Variants in USP42 observed in about 807,000 individuals in gnomAD.
The protein encoded by USP42 is ubiquitin carboxyl-terminal hydrolase 42.
Under a neutral mutation model 113.0 loss-of-function variants are expected in USP42, and 23 were observed. That is an observed-to-expected ratio of 0.20 (90% CI 0.15 to 0.29). The LOEUF (loss-of-function observed/expected upper bound fraction) is 0.29. USP42 is among the 10% of genes least tolerant of loss of function. The pLI, the probability that USP42 is intolerant of heterozygous loss-of-function variation, is 1.00. For missense variants in USP42, 2,174 were observed against 1,779.8 expected (o/e 1.22, Z -3.99); for synonymous variants, 933 against 699.0 (o/e 1.33, Z -5.28).
rs747000461 is a variant in USP42, at chr7:6,145,662, C to T, written c.1131+6C>T. The T allele has an allele frequency of 1.2e-6, 2 of 1,612,356 alleles. No individual in the cohort carries two copies. The highest frequency in any genetic ancestry group is 1.1e-5 in the South Asian group (1 of 90,910). ...ATTACTTCTGCTACATAAAAGTAAG[C>T]TGTGCAGATTTGCTATTAACTATTG... On this transcript the variant is annotated splice_donor_region_variant and intron_variant, in intron 10 of 17. Transcript: ENST00000306177.
chr7:6,082,075 A>T, the USP42 span, among the ~76,000 whole-genome samples: 1 of 151,768 alleles, frequency 6.6e-6, no homozygotes, highest in Non-Finnish European at 1.5e-5. Flanking sequence ...TAAATATACT[A>T]TATATACATA....
At chr7:6,091,339 C>T in the USP42 span, among the ~76,000 whole-genome samples, 1 of 150,838 alleles carries the variant, frequency 6.6e-6, no homozygotes, top group East Asian at 1.9e-4. Flanking sequence ...ATCCTCCCAC[C>T]TCCGCCTCCC....
rs770561370 is a variant in USP42, at chr7:6,153,864, C to G, written c.2310C>G (p.Ser770Arg). The part of the protein sequence containing the change: ...LEEPDAAAGL[S>R]STKKAPPPRD... ...AGCCAGATGCGGCCGCCGGCCTCAG[C>G]AGCACCAAGAAGGCTCCGCCGCCCC... is the stretch of plus-strand genomic sequence containing the variant. Residue 770 changes from serine (S) to arginine (R), a missense_variant, in exon 15 of 18, where the codon AGC (serine) becomes AGG (arginine). Transcript: ENST00000306177. The G allele has an allele frequency of 1.9e-6, 3 of 1,556,748 alleles. No individual in the cohort carries two copies. The South Asian group carries it at 3.5e-5, about 18-fold the overall frequency.
chr7:6,128,367 A>G (rs1235199334), intron 3 of USP42: 1 of 151,860 alleles, frequency 6.6e-6, no homozygotes, highest in Non-Finnish European at 1.5e-5. Context: ...GGCTCTAGGA[A>G]TCCTCCATCT....
rs1257841782 is a variant in USP42 at position 6,136,825 on chromosome 7, A to G, written c.553+874A>G. On this transcript the variant is annotated intron_variant, in intron 4 of 17. Transcript: ENST00000306177. ...CGGTTCTTCTTTTTTTTTTTTTTCA[A>G]GTGAGACTGTGTCTCACTGTTTTGC... Among the ~76,000 whole-genome samples, 16 of 150,720 alleles carry G rather than the reference A, an allele frequency of 1.1e-4. No homozygotes were observed. The East Asian group carries it at 2.7e-3, about 26-fold the overall frequency.
the USP42 span, among the ~76,000 whole-genome samples, chr7:6,082,601 C>CTGT: frequency 1.0e-5 from 1 of 96,996 alleles, no homozygotes; most frequent in African/African-American, 3.7e-5. Flanking sequence ...TTCTTTCTTT[C>CTGT]TGTTTTTTTT....
chr7:6,114,433 T>A (rs1779765729), intron 2 of USP42, among the ~76,000 whole-genome samples: 1 of 151,922 alleles, frequency 6.6e-6, no homozygotes, highest in Non-Finnish European at 1.5e-5. Context: ...TTACGGGCAG[T>A]GATACCAGCA....
At chr7:6,102,559 A>C (rs1024833819), upstream of USP42, among the ~76,000 whole-genome samples, 2 of 150,548 alleles carry the variant, frequency 1.3e-5, no homozygotes, top group Non-Finnish European at 2.9e-5. Context: ...CCAGGGGTTC[A>C]CAACCAACCT....
chr7:6,125,051 C>T (rs1465661459), intron 3 of USP42, among the ~76,000 whole-genome samples: 5 of 151,760 alleles, frequency 3.3e-5, no homozygotes, highest in African/African-American at 4.8e-5. Flanking sequence ...TGTGGTGGCT[C>T]ATGCTTGTAA....
At chr7:6,135,056 C>G (rs1337024705) in intron 3 of USP42, among the ~76,000 whole-genome samples, 1 of 152,186 alleles carries the variant, frequency 6.6e-6, no homozygotes, top group Non-Finnish European at 1.5e-5. Context: ...TCCCAGAGTG[C>G]TGAGATGATA....
intron 2 of USP42, among the ~76,000 whole-genome samples, chr7:6,112,621 T>C (rs1779658327): frequency 6.6e-6 from 1 of 152,176 alleles, no homozygotes; most frequent in African/African-American, 2.4e-5. Flanking sequence ...TGAAATACAA[T>C]AGAATTTCCT....
chr7:6,154,645 G>T lies in USP42; in HGVS notation c.3091G>T (p.Asp1031Tyr). 1.2e-6 allele frequency: 2 copies of T among 1,605,542 alleles called. No individual in the cohort carries two copies. Among genetic ancestry groups the T allele is most frequent in the Non-Finnish European group, 8.5e-7 (1 of 1,177,068 alleles). ...HSRHRSGVEL[D>Y]WVRHHYTEGE... The stretch of plus-strand genomic sequence containing the variant: ...CCGACACCGGAGCGGGGTGGAGCTG[G>T]ACTGGGTCAGACACCACTACACCGA... Residue 1031 changes from aspartate (D) to tyrosine (Y), a missense_variant, in exon 15 of 18, where the codon GAC (aspartate) becomes TAC (tyrosine). By Grantham distance (160) the Asp-to-Tyr change is radical. Transcript: ENST00000306177.
At chr7:6,089,820 C>T in the USP42 span, among the ~76,000 whole-genome samples, 2 of 150,536 alleles carry the variant, frequency 1.3e-5, no homozygotes, top group Admixed American at 6.6e-5. Flanking sequence ...TGTGAGCTAC[C>T]GCGCCCAGCC....
intron 12 of USP42, 64 bp from the exon 13 acceptor site, chr7:6,149,519 A>G: frequency 6.5e-7 from 1 of 1,531,912 alleles, no homozygotes; most frequent in Non-Finnish European, 8.7e-7. Context: ...ATCAGCCAAA[A>G]TGGGTTCTGT....
At chr7:6,107,464 C>T (rs2128473824) in intron 1 of USP42, among the ~76,000 whole-genome samples, 1 of 146,210 alleles carries the variant, frequency 6.8e-6, no homozygotes, top group East Asian at 2.0e-4. Flanking sequence ...GGCTGGAGGG[C>T]AATGGCGCGA....
the USP42 span, among the ~76,000 whole-genome samples, chr7:6,098,848 G>A: frequency 6.7e-6 from 1 of 149,656 alleles, no homozygotes; most frequent in African/African-American, 2.5e-5. Flanking sequence ...GCCCTGCCAA[G>A]AATGCATTGT....
intron 4 of USP42, 145 bp downstream of exon 4, chr7:6,136,096 C>T (rs962129073): frequency 2.6e-5 from 14 of 536,234 alleles, no homozygotes; most frequent in African/African-American, 1.7e-4. Context: ...CTTCCACCTC[C>T]CAGGTTCAAA....
rs939848896 is a variant in USP42, at chr7:6,111,512, G to A, written c.241+138G>A. ...GCCAGCAGAGTTGTATTACTTGATG[G>A]GCTTTGTTTTCCTGTTACTTGTTCG... On this transcript the variant is annotated intron_variant, in intron 2 of 17. Coordinates refer to ENST00000306177, the MANE Select transcript of USP42 (RefSeq NM_032172.3). 3 of 1,015,388 alleles carry A rather than the reference G, an allele frequency of 3.0e-6. No individual in the cohort carries two copies. In the African/African-American group the frequency reaches 4.9e-5, roughly 16 times the overall value. 62.9% of individuals were successfully genotyped at this position (1,015,388 alleles called of 1,614,324 possible). A position where few individuals can be genotyped will look rare whatever the true frequency, so the allele number is the denominator to read the frequency against.
At chr7:6,087,194 G>A in the USP42 span, among the ~76,000 whole-genome samples, 6 of 149,394 alleles carry the variant, frequency 4.0e-5, 1 homozygote, top group African/African-American at 1.5e-4. Context: ...ATCACGCCCA[G>A]CTAATTTTCG....
Sources: gnomAD v4.1 joint callset for allele counts (sites outside exome capture counted in the v4.1 genomes callset) on GRCh38, gnomAD v4.1.1 for gene constraint, MANE v1.5 for transcripts, NCBI Gene and HGNC (gene_info 2026-07-23, HGNC 2026-07-21) for gene names.